The following CTNNA2 variants were observed in gnomAD, a reference collection of about 807,000 sequenced individuals.
The protein encoded by CTNNA2 is catenin alpha-2.
A neutral mutation model predicts 101.0 loss-of-function variants in CTNNA2; 42 were observed. The ratio of observed to expected loss-of-function variants is 0.42; its 90% CI spans 0.32 to 0.54. CTNNA2 has a LOEUF of 0.54. CTNNA2 is among the 20% of genes least tolerant of loss of function. The pLI is 0.14. For missense variants in CTNNA2, 871 were observed against 1,223.1 expected, an observed-to-expected ratio of 0.71 and a Z score of 4.29; for synonymous variants, 450 against 456.4, an observed-to-expected ratio of 0.99 and a Z score of 0.18.
At chr2:79,561,592 CTTG>C (rs920389886) in intron 1 of CTNNA2, among the ~76,000 whole-genome samples, 2 of 151,744 alleles carry the variant, frequency 1.3e-5, no homozygotes, top group Non-Finnish European at 2.9e-5. Context: ...TTTGCTAATT[CTTG>C]TTGTTTTTTT....
intron 7 of CTNNA2, among the ~76,000 whole-genome samples, chr2:79,955,363 G>T (rs577466813): frequency 1.9e-4 from 29 of 152,268 alleles, no homozygotes; most frequent in Admixed American, 1.8e-3. Flanking sequence ...CTCTGAGAGG[G>T]ATCTAAAAAG....
chr2:79,861,325 C>G (rs1396134895), intron 4 of CTNNA2, among the ~76,000 whole-genome samples: 1 of 152,192 alleles, frequency 6.6e-6, no homozygotes, highest in East Asian at 1.9e-4. Flanking sequence ...TTTTTCTCAT[C>G]TCTGAGTAAC....
At chr2:79,773,709 A>G (rs748908356) in intron 3 of CTNNA2, among the ~76,000 whole-genome samples, 2 of 152,052 alleles carry the variant, frequency 1.3e-5, no homozygotes, top group Non-Finnish European at 2.9e-5. Context: ...GTCTTAAGGC[A>G]CCCACTGAGA....
chr2:79,222,453 G>A (rs963729842), intron 2 of CTNNA2, among the ~76,000 whole-genome samples: 6 of 152,146 alleles, frequency 3.9e-5, no homozygotes, highest in African/African-American at 1.4e-4. Context: ...TATCAGCAGT[G>A]GTGCCACGTG....
intron 2 of CTNNA2, among the ~76,000 whole-genome samples, chr2:79,724,302 G>T (rs771834357): frequency 6.6e-6 from 1 of 151,702 alleles, no homozygotes; most frequent in Non-Finnish European, 1.5e-5. Flanking sequence ...CAAAGAAACT[G>T]CAAGAAGTTC....
At chr2:79,470,373 A>G (rs1333288820) in intron 4 of CTNNA2, among the ~76,000 whole-genome samples, 3 of 152,192 alleles carry the variant, frequency 2.0e-5, no homozygotes, top group African/African-American at 2.4e-5. Flanking sequence ...TTTTCTCGAT[A>G]AAACTGTAAA....
At chr2:80,323,360 C>T (rs543337299) in intron 7 of CTNNA2, among the ~76,000 whole-genome samples, 4 of 151,978 alleles carry the variant, frequency 2.6e-5, no homozygotes, top group African/African-American at 9.6e-5. Context: ...CCAAGATCTC[C>T]TTTCTTTCTT....
chr2:80,641,370 T>C (rs954753049), intron 18 of CTNNA2, among the ~76,000 whole-genome samples: 1 of 152,188 alleles, frequency 6.6e-6, no homozygotes, highest in Non-Finnish European at 1.5e-5. Flanking sequence ...TAGTAGATGA[T>C]CAGCTTTTTT....
At chr2:79,254,243 C>T (rs1194555052) in intron 2 of CTNNA2, among the ~76,000 whole-genome samples, 1 of 152,200 alleles carries the variant, frequency 6.6e-6, no homozygotes, top group Admixed American at 6.5e-5. Context: ...AGTGGAATGT[C>T]TGCAAAATAA....
At chr2:79,827,017 C>T (rs775595801) in intron 3 of CTNNA2, among the ~76,000 whole-genome samples, 8 of 152,088 alleles carry the variant, frequency 5.3e-5, no homozygotes, top group South Asian at 4.1e-4. Flanking sequence ...CAATTACCTA[C>T]GTAACAATTA....
At chr2:80,362,639 TAA>T (rs1217713148) in intron 7 of CTNNA2, among the ~76,000 whole-genome samples, 4 of 100,884 alleles carry the variant, frequency 4.0e-5, no homozygotes, top group African/African-American at 5.0e-5. Flanking sequence ...TTAACGTTTT[TAA>T]AAGAGTCTCT....
At chr2:80,632,031 G>GGTCTT (rs1672351393) in intron 18 of CTNNA2, among the ~76,000 whole-genome samples, 1 of 152,080 alleles carries the variant, frequency 6.6e-6, no homozygotes, top group Non-Finnish European at 1.5e-5. Flanking sequence ...TTATTAAATT[G>GGTCTT]ATGCATAAGA....
chr2:80,245,822 T>TTTTTTTTTTTTG (rs1558937542), intron 7 of CTNNA2, among the ~76,000 whole-genome samples: 9 of 135,466 alleles, frequency 6.6e-5, no homozygotes, highest in African/African-American at 2.6e-4. Flanking sequence ...TTTTTTTTTT[T>TTTTTTTTTTTTG]TGCACTCTGT....
At chr2:79,843,966 T>G (rs1383685698) in intron 3 of CTNNA2, among the ~76,000 whole-genome samples, 1 of 152,226 alleles carries the variant, frequency 6.6e-6, no homozygotes, top group Non-Finnish European at 1.5e-5. Context: ...GCTAGGTTAT[T>G]CTCTCTATAG....
chr2:79,879,214 T>G (rs566862887), intron 6 of CTNNA2, among the ~76,000 whole-genome samples: 2 of 152,220 alleles, frequency 1.3e-5, no homozygotes, highest in Admixed American at 6.5e-5. Flanking sequence ...TTTTGGTTAC[T>G]GTAGCCTTGT....
intron 4 of CTNNA2, among the ~76,000 whole-genome samples, chr2:79,433,956 T>C (rs953375217): frequency 2.6e-5 from 4 of 152,146 alleles, no homozygotes; most frequent in Admixed American, 6.6e-5. Context: ...CACATATTTT[T>C]CATTAAGCCA....
rs75298972 is a variant in CTNNA2, at chr2:79,992,505, G to A, written c.1056+82708G>A. Among the ~76,000 whole-genome samples the A allele has an allele frequency of 7.3e-3, 1,108 of 152,176 alleles. 9 individuals are homozygous for A. Among genetic ancestry groups the A allele is most frequent in the African/African-American group, 0.025 (1,029 of 41,520 alleles). The stretch of plus-strand genomic sequence containing the variant: ...GGTAAAAACCTTTTTAAATACTTGC[G>A]TATAACTTCCTTGTCTTAGTTTAAT... On this transcript the variant is annotated intron_variant, in intron 7 of 18. Transcript: ENST00000402739.
chr2:79,408,574 G>A (rs904175123), intron 4 of CTNNA2, among the ~76,000 whole-genome samples: 4 of 151,224 alleles, frequency 2.6e-5, no homozygotes, highest in Admixed American at 6.6e-5. Context: ...TTGTCCTTGC[G>A]ATAGTTTGCT....
chr2:79,602,004 G>C (rs1314256899), intron 1 of CTNNA2, among the ~76,000 whole-genome samples: 1 of 152,046 alleles, frequency 6.6e-6, no homozygotes, highest in African/African-American at 2.4e-5. Context: ...ATACAGTGTT[G>C]AATATCACAT....
Sources: allele counts gnomAD v4.1 joint callset (sites outside exome capture counted in the v4.1 genomes callset), GRCh38; gene constraint gnomAD v4.1.1; transcripts MANE v1.5; gene names NCBI Gene and HGNC (gene_info 2026-07-23, HGNC 2026-07-21).